Variants in DRGX observed in about 807,000 individuals in gnomAD.
The protein encoded by DRGX is dorsal root ganglia homeobox.
A neutral mutation model predicts 28.6 loss-of-function variants in DRGX; 21 were observed. The ratio of observed to expected loss-of-function variants is 0.73; its 90% confidence interval spans 0.52 to 1.06. The LOEUF (loss-of-function observed/expected upper bound fraction) is 1.06. DRGX is among the 50% of genes least tolerant of loss of function. The probability of loss-of-function intolerance (pLI) is 0.00; values close to 1 mark genes in which losing one functional copy is unlikely to be tolerated. For missense variants in DRGX, 354 were observed against 343.9 expected (o/e 1.03, Z -0.23); for synonymous variants, 136 against 139.1 (o/e 0.98, Z 0.16).
At chr10:49,374,652 C>G (rs1455485145) in intron 6 of DRGX, among the ~76,000 whole-genome samples, 1 of 152,206 alleles carries the variant, frequency 6.6e-6, no homozygotes, top group African/African-American at 2.4e-5. Flanking sequence ...GCTTTAAAGG[C>G]TTGGTCTGAA....
intron 6 of DRGX, among the ~76,000 whole-genome samples, chr10:49,372,814 T>C (rs1849674353): frequency 6.6e-6 from 1 of 152,234 alleles, no homozygotes; most frequent in Admixed American, 6.5e-5. Flanking sequence ...TTTTCACAGC[T>C]GTATTTTTTC....
intron 6 of DRGX, among the ~76,000 whole-genome samples, chr10:49,373,785 A>C (rs1196993719): frequency 6.6e-6 from 1 of 152,226 alleles, no homozygotes; most frequent in Non-Finnish European, 1.5e-5. Context: ...AAATGGACTA[A>C]GATGATCCAT....
chr10:49,367,078 A>G (rs888269513), intron 6 of DRGX, among the ~76,000 whole-genome samples: 3 of 152,244 alleles, frequency 2.0e-5, no homozygotes. Flanking sequence ...GAAAGCAGTC[A>G]GGTACAGTGG....
rs756224784 is a variant in DRGX, at chr10:49,386,873, G to A, written c.235-15C>T. ...TGGAACCAAACCTGAATCCCAGATG[G>A]AAACATACACCCAGTGAAAATCAAA... On this transcript the variant is annotated splice_polypyrimidine_tract_variant and intron_variant, in intron 4 of 6. Coordinates refer to ENST00000374139, the MANE Select transcript of DRGX (RefSeq NM_001276451.2). 1.8e-5 allele frequency: 27 copies of A among 1,534,286 alleles called. No homozygotes were observed. Among genetic ancestry groups the A allele is most frequent in the Non-Finnish European group, 2.4e-5 (27 of 1,144,058 alleles).
At chr10:49,371,877 T>G (rs1427961966) in intron 6 of DRGX, among the ~76,000 whole-genome samples, 1 of 151,492 alleles carries the variant, frequency 6.6e-6, no homozygotes. Flanking sequence ...TGCTTGAAGA[T>G]TCTCCTATGT....
intron 6 of DRGX, among the ~76,000 whole-genome samples, chr10:49,372,713 G>A (rs959370118): frequency 2.0e-5 from 3 of 152,142 alleles, no homozygotes; most frequent in Non-Finnish European, 2.9e-5. Flanking sequence ...GCACACACAC[G>A]TAACACTACA....
intron 2 of DRGX, among the ~76,000 whole-genome samples, chr10:49,392,424 C>T (rs999050555): frequency 6.6e-6 from 1 of 152,244 alleles, no homozygotes; most frequent in Non-Finnish European, 1.5e-5. Context: ...TCTTCCTGTC[C>T]AAATTGCATT....
In DRGX at chr10:49,387,028, G is replaced by T. The variant is rs189515340; in HGVS notation, c.235-170C>A. On this transcript the variant is annotated intron_variant, in intron 4 of 6. Coordinates refer to ENST00000374139, the MANE Select transcript of DRGX (RefSeq NM_001276451.2). Reference sequence around the variant, plus strand: ...GAGGGGTCAGAAGATCCGCTTAAAAGGTTAGGACAGGCATTTTTTAATGAA... The same window carrying T: ...GAGGGGTCAGAAGATCCGCTTAAAATGTTAGGACAGGCATTTTTTAATGAA... 1.5e-3 allele frequency among the ~76,000 whole-genome samples: 234 copies of T among 152,340 alleles called. 2 individuals carry two copies. The highest frequency in any genetic ancestry group is 5.5e-3 in the African/African-American group (230 of 41,582).
chr10:49,395,282 T>G, intron 2 of DRGX, 125 bp downstream of exon 2: 1 of 1,219,012 alleles, frequency 8.2e-7, no homozygotes, highest in East Asian at 2.5e-5. Context: ...AGGCCCCTAC[T>G]CACCGGCAGG....
chr10:49,395,781 G>A (rs1849962314), intron 1 of DRGX, among the ~76,000 whole-genome samples, 154 bp downstream of exon 1: 3 of 152,184 alleles, frequency 2.0e-5, no homozygotes, highest in Non-Finnish European at 4.4e-5. Flanking sequence ...CTGGCTCTCT[G>A]GGGTCCCAGC....
At chr10:49,373,233 A>G (rs774866745) in intron 6 of DRGX, among the ~76,000 whole-genome samples, 1 of 152,240 alleles carries the variant, frequency 6.6e-6, no homozygotes, top group Non-Finnish European at 1.5e-5. Flanking sequence ...TGAATAAGTT[A>G]TACCCATATA....
At chr10:49,384,615 G>A (rs1449630570) in intron 6 of DRGX, among the ~76,000 whole-genome samples, 2 of 152,226 alleles carry the variant, frequency 1.3e-5, no homozygotes, top group South Asian at 4.1e-4. Flanking sequence ...AGGATGGACA[G>A]ATGTTTGTGG....
At chr10:49,381,160 G>A (rs117463916) in intron 6 of DRGX, among the ~76,000 whole-genome samples, 1 of 152,236 alleles carries the variant, frequency 6.6e-6, no homozygotes, top group African/African-American at 2.4e-5. Context: ...CCCCGCAAGA[G>A]CCTGGTTTCT....
At chr10:49,394,520 C>T (rs1590373274) in intron 2 of DRGX, among the ~76,000 whole-genome samples, 2 of 152,244 alleles carry the variant, frequency 1.3e-5, no homozygotes, top group African/African-American at 2.4e-5. Flanking sequence ...GAGACTGCTG[C>T]TCTGCAGAAG....
At chr10:49,395,335 C>A in intron 2 of DRGX, 72 bp downstream of exon 2, 3 of 1,537,700 alleles carry the variant, frequency 2.0e-6, no homozygotes, top group Non-Finnish European at 2.6e-6. Flanking sequence ...CACCCACCAG[C>A]CCTGCTGCCG....
At chr10:49,391,738 G>A (rs141379056) in intron 2 of DRGX, 507 of 471,266 alleles carry the variant, frequency 1.1e-3, no homozygotes, top group African/African-American at 8.6e-3. Flanking sequence ...AGGAGAGGCT[G>A]GGGGAGGAAA....
intron 6 of DRGX, among the ~76,000 whole-genome samples, chr10:49,379,246 TC>T (rs1159927964): frequency 6.6e-6 from 1 of 152,192 alleles, no homozygotes; most frequent in African/African-American, 2.4e-5. Flanking sequence ...CAGAGCGGTG[TC>T]TTTTGCTGGG....
rs77598390 is a variant in DRGX, at chr10:49,383,294, C to A, written c.526+3184G>T. Reference sequence around the variant, plus strand: ...AGAGCACAGGATAACTTTCCATAATCGCTCACTTGCCTCCCTTTCCAACAT... The same window carrying A: ...AGAGCACAGGATAACTTTCCATAATAGCTCACTTGCCTCCCTTTCCAACAT... On this transcript the variant is annotated intron_variant, in intron 6 of 6. Coordinates refer to ENST00000374139, the MANE Select transcript of DRGX (RefSeq NM_001276451.2). 4.6e-5 allele frequency among the ~76,000 whole-genome samples: 7 copies of A among 152,286 alleles called. No individual in the cohort carries two copies. In the East Asian group the frequency reaches 9.6e-4, roughly 21 times the overall value.
chr10:49,390,357 C>T, intron 3 of DRGX, 123 bp from the exon 4 acceptor site: 1 of 821,558 alleles, frequency 1.2e-6, no homozygotes, highest in Non-Finnish European at 1.9e-6. Flanking sequence ...CGAGGAAGGA[C>T]AGGGAGAAGA....
Sources: gnomAD v4.1 joint callset for allele counts (sites outside exome capture counted in the v4.1 genomes callset) on GRCh38, gnomAD v4.1.1 for gene constraint, MANE v1.5 for transcripts, NCBI Gene and HGNC (gene_info 2026-07-23, HGNC 2026-07-21) for gene names.